The following RBMS1 variants were observed in gnomAD, a reference collection of about 807,000 sequenced individuals.
RBMS1 encodes the protein RNA binding motif single stranded interacting protein 1.
Under a neutral mutation model 62.3 loss-of-function variants are expected in RBMS1, and 17 were observed. The ratio of observed to expected loss-of-function variants is 0.27; its 90% CI spans 0.19 to 0.41. The LOEUF (loss-of-function observed/expected upper bound fraction) is 0.41. Among genes scored for constraint, RBMS1 ranks in the 10% least tolerant of loss-of-function variants. The probability of loss-of-function intolerance (pLI) is 1.00; values close to 1 mark genes in which losing one functional copy is unlikely to be tolerated. For missense variants in RBMS1, 334 were observed against 504.5 expected, an observed-to-expected ratio of 0.66 and a Z score of 3.24; for synonymous variants, 172 against 170.0, an observed-to-expected ratio of 1.01 and a Z score of -0.09.
intron 1 of RBMS1, among the ~76,000 whole-genome samples, chr2:160,424,365 T>TGG (rs58071256): frequency 0.012 from 1,744 of 140,130 alleles, 15 homozygotes; most frequent in East Asian, 0.023. Flanking sequence ...GGTGAGAGAT[T>TGG]GGGGGGGGGG....
At chr2:160,358,595 A>C (rs913629625) in intron 2 of RBMS1, among the ~76,000 whole-genome samples, 3 of 152,152 alleles carry the variant, frequency 2.0e-5, no homozygotes, top group Non-Finnish European at 4.4e-5. Context: ...AAACATTTGG[A>C]AATCAAAAGA....
chr2:160,370,485 T>C (rs530877891), intron 1 of RBMS1, among the ~76,000 whole-genome samples: 1 of 152,314 alleles, frequency 6.6e-6, no homozygotes, highest in East Asian at 1.9e-4. Context: ...ATACAGACTC[T>C]GCTGAGTACT....
At chr2:160,322,075 TC>T (rs1188535618) in intron 2 of RBMS1, among the ~76,000 whole-genome samples, 2 of 152,238 alleles carry the variant, frequency 1.3e-5, no homozygotes, top group African/African-American at 4.8e-5. Flanking sequence ...TTTGTTGACT[TC>T]CTACTTATGT....
chr2:160,457,255 C>T (rs369772017), intron 1 of RBMS1, among the ~76,000 whole-genome samples: 5 of 151,962 alleles, frequency 3.3e-5, no homozygotes, highest in African/African-American at 1.2e-4. Flanking sequence ...CTCAGGCTCC[C>T]GAGTAGCTGG....
At chr2:160,384,160 G>A (rs4564731) in intron 1 of RBMS1, among the ~76,000 whole-genome samples, 285 of 152,266 alleles carry the variant, frequency 1.9e-3, no homozygotes, top group African/African-American at 6.5e-3. Context: ...TCGTGCCACC[G>A]CACTCCAGCC....
intron 1 of RBMS1, among the ~76,000 whole-genome samples, chr2:160,444,133 A>G (rs1014447549): frequency 7.9e-5 from 12 of 152,250 alleles, no homozygotes; most frequent in African/African-American, 2.4e-4. Flanking sequence ...GTACAGGTAG[A>G]AAACCAGTGT....
intron 6 of RBMS1, among the ~76,000 whole-genome samples, chr2:160,292,553 A>T (rs1688736817): frequency 6.6e-6 from 1 of 152,256 alleles, no homozygotes; most frequent in Non-Finnish European, 1.5e-5. Flanking sequence ...GGCTTCTTAC[A>T]GAATGAAGAA....
chr2:160,390,091 C>T (rs192953671), intron 1 of RBMS1, among the ~76,000 whole-genome samples: 1 of 152,296 alleles, frequency 6.6e-6, no homozygotes, highest in East Asian at 1.9e-4. Flanking sequence ...TAACCTGATA[C>T]CTTAATGGGT....
intron 6 of RBMS1, among the ~76,000 whole-genome samples, chr2:160,288,578 CTATGGG>C (rs1688524867): frequency 6.6e-6 from 1 of 152,188 alleles, no homozygotes. Context: ...GACAACTGGA[CTATGGG>C]TATGACGAGT....
chr2:160,310,358 AAG>A (rs1361379341), intron 4 of RBMS1, among the ~76,000 whole-genome samples: 1 of 152,206 alleles, frequency 6.6e-6, no homozygotes, highest in Non-Finnish European at 1.5e-5. Flanking sequence ...AGCAATATCC[AAG>A]ACACACATCC....
At chr2:160,362,446 G>A in intron 2 of RBMS1, among the ~76,000 whole-genome samples, 1 of 152,128 alleles carries the variant, frequency 6.6e-6, no homozygotes, top group Non-Finnish European at 1.5e-5. Flanking sequence ...GCCACTGCAG[G>A]GCTATTATTT....
chr2:160,478,552 T>TA (rs1373653678), intron 1 of RBMS1, among the ~76,000 whole-genome samples: 8 of 152,258 alleles, frequency 5.3e-5, no homozygotes, highest in African/African-American at 1.9e-4. Context: ...ATCAAAGAGT[T>TA]AGTGACCTGT....
chr2:160,288,597 G>A (rs1688526110), intron 6 of RBMS1, among the ~76,000 whole-genome samples: 1 of 152,154 alleles, frequency 6.6e-6, no homozygotes, highest in Non-Finnish European at 1.5e-5. Flanking sequence ...TGACGAGTCA[G>A]GAACAAAAAT....
chr2:160,489,294 A>G (rs924258511), intron 1 of RBMS1, among the ~76,000 whole-genome samples: 1 of 152,206 alleles, frequency 6.6e-6, no homozygotes, highest in African/African-American at 2.4e-5. Context: ...AATAAGGTTG[A>G]TTCATCAGTG....
intron 1 of RBMS1, among the ~76,000 whole-genome samples, chr2:160,395,627 A>G (rs1252030808): frequency 5.3e-5 from 8 of 151,386 alleles, no homozygotes; most frequent in Non-Finnish European, 1.2e-4. Flanking sequence ...CCGTCTCAAA[A>G]AAAAAAAAAA....
intron 6 of RBMS1, among the ~76,000 whole-genome samples, chr2:160,291,598 T>C (rs1688680824): frequency 6.6e-6 from 1 of 152,228 alleles, no homozygotes; most frequent in Non-Finnish European, 1.5e-5. Context: ...GTGGACGTTC[T>C]TCCTCCCGAG....
chr2:160,389,306 A>ATTT (rs1694736882), intron 1 of RBMS1, among the ~76,000 whole-genome samples: 2 of 152,262 alleles, frequency 1.3e-5, no homozygotes, highest in South Asian at 4.1e-4. Context: ...TATGCATGAA[A>ATTT]TACATAAATG....
chr2:160,377,973 T>G (rs1694087162), intron 1 of RBMS1, among the ~76,000 whole-genome samples: 1 of 152,192 alleles, frequency 6.6e-6, no homozygotes, highest in Non-Finnish European at 1.5e-5. Flanking sequence ...CAAATTTTAT[T>G]AATGAGTTTT....
intron 1 of RBMS1, among the ~76,000 whole-genome samples, chr2:160,476,909 G>A (rs1685165904): frequency 6.6e-6 from 1 of 152,122 alleles, no homozygotes; most frequent in Admixed American, 6.5e-5. Flanking sequence ...AAGCCTGCAT[G>A]TACACAAATT....
Sources: allele counts gnomAD v4.1 joint callset (sites outside exome capture counted in the v4.1 genomes callset), GRCh38; gene constraint gnomAD v4.1.1; transcripts MANE v1.5; gene names NCBI Gene and HGNC (gene_info 2026-07-23, HGNC 2026-07-21).